Variants in GNPAT observed in about 807,000 individuals in gnomAD.
The protein encoded by GNPAT is dihydroxyacetone phosphate acyltransferase.
GNPAT carries 30 observed loss-of-function variants against 78.4 expected under a neutral mutation model. The observed-to-expected ratio is 0.38, with a 90% CI of 0.29 to 0.52. The LOEUF is 0.52. Among genes scored for constraint, GNPAT ranks in the 20% least tolerant of loss-of-function variants. The pLI, the probability that GNPAT is intolerant of heterozygous loss-of-function variation, is 0.84. For synonymous variants in GNPAT, 271 were observed against 281.1 expected (o/e 0.96, Z 0.36); for missense variants, 714 against 812.2 (o/e 0.88, Z 1.47).
intron 12 of GNPAT, 186 bp from the exon 13 acceptor site, chr1:231,275,035 A>G: frequency 3.5e-6 from 2 of 577,652 alleles, no homozygotes; most frequent in Admixed American, 3.1e-5. Context: ...TGTAAAATGT[A>G]AACTCAAAGG....
At position 231,275,289 on chromosome 1, in the gene GNPAT, C is replaced by T. The variant is rs1192186321; in HGVS notation, c.1812C>T (p.Val604=). Residue 604 remains valine, a synonymous_variant, in exon 13 of 16, where the codon GTC becomes GTT. Coordinates refer to ENST00000366647, the MANE Select transcript of GNPAT (RefSeq NM_014236.4). ...GTGAGGAACAGTACTTGGCTGCAGT[C>T]AGAAAATTCACAAGTCAGCTTCTCG... is the stretch of plus-strand genomic sequence containing the variant. ...HFSEEQYLAA[V]RKFTSQLLDQ... is the part of the protein sequence containing the mutation. 6.2e-7 allele frequency: 1 copy of T among 1,612,720 alleles called. No homozygotes were observed. Among genetic ancestry groups the T allele is most frequent in the South Asian group, 1.1e-5 (1 of 91,046 alleles).
intron 9 of GNPAT, among the ~76,000 whole-genome samples, chr1:231,269,263 C>T (rs1255322852): frequency 2.0e-5 from 3 of 152,126 alleles, no homozygotes; most frequent in Non-Finnish European, 4.4e-5. Flanking sequence ...TCAGGAAGAC[C>T]AGGAGAGGAT....
chr1:231,266,371 G>T lies in GNPAT; in HGVS notation c.1019G>T (p.Gly340Val), dbSNP rs1180515381. The T allele has an allele frequency of 6.2e-7, 1 of 1,613,988 alleles. No homozygotes were observed. ...DPVSLRSLAA[G>V]RMSRSSYNLV... The stretch of plus-strand genomic sequence containing the variant: ...GTGTCACTTCGATCTTTGGCAGCTG[G>T]GAGGATGAGTCGGAGCTCATATAAC... Residue 340 changes from glycine to valine, a missense_variant, in exon 8 of 16, where the codon GGG (glycine) becomes GTG (valine). By Grantham distance (109) the Gly-to-Val change is moderately radical. Transcript: ENST00000366647.
intron 3 of GNPAT, among the ~76,000 whole-genome samples, chr1:231,261,227 G>T (rs547301675): frequency 1.1e-4 from 17 of 152,080 alleles, no homozygotes; most frequent in Non-Finnish European, 1.9e-4. Context: ...CATGTGTTGC[G>T]CTAGAAATCC....
intron 8 of GNPAT, among the ~76,000 whole-genome samples, chr1:231,267,086 G>A (rs1685409541): frequency 6.6e-6 from 1 of 152,118 alleles, no homozygotes; most frequent in African/African-American, 2.4e-5. Flanking sequence ...TCTCAAATTG[G>A]TTTGGCTGGC....
Position 231,274,139 on chromosome 1 carries a change from C to T in GNPAT, c.1743+77C>T, listed in dbSNP as rs983964864. The T allele has an allele frequency of 2.3e-6, 3 of 1,314,168 alleles. No individual in the cohort carries two copies. In the African/African-American group the frequency reaches 4.3e-5, roughly 19 times the overall value. The allele number at this position is 1,314,168 out of a possible 1,614,324, so 81.4% of individuals were successfully genotyped here. On this transcript the variant is annotated intron_variant, in intron 12 of 15. Transcript: ENST00000366647. ...AGACATTCTCACCCTGTGCTTATTT[C>T]CAGTCTGAAGGGCAGGTATCTTCCC... is the stretch of plus-strand genomic sequence containing the variant.
Position 231,264,077 on chromosome 1 carries a change from A to G in GNPAT, c.569-1216A>G, listed in dbSNP as rs11122264. Among the ~76,000 whole-genome samples the G allele has an allele frequency of 9.0e-3, 1,376 of 152,264 alleles. 28 individuals are homozygous for G. The highest frequency in any genetic ancestry group is 0.031 in the African/African-American group (1,299 of 41,548). Reference sequence around the variant, plus strand: ...GTTGATTGTGTTATTTGATGCATGGAAGTTTTTAATTGATGTAGTCCAATT... The same window carrying G: ...GTTGATTGTGTTATTTGATGCATGGGAGTTTTTAATTGATGTAGTCCAATT... On this transcript the variant is annotated intron_variant, in intron 4 of 15. Coordinates refer to ENST00000366647, the MANE Select transcript of GNPAT (RefSeq NM_014236.4).
At chr1:231,273,547 A>G (rs572177345) in intron 11 of GNPAT, among the ~76,000 whole-genome samples, 1 of 152,282 alleles carries the variant, frequency 6.6e-6, no homozygotes, top group Non-Finnish European at 1.5e-5. Context: ...CACCGCGCCC[A>G]GCCAGAAATT....
chr1:231,259,749 C>T (rs879612704), intron 2 of GNPAT, among the ~76,000 whole-genome samples: 17 of 152,178 alleles, frequency 1.1e-4, no homozygotes, highest in Admixed American at 4.6e-4. Flanking sequence ...GGTGCCAACA[C>T]CTGTCCTCTG....
chr1:231,251,170 C>G, intron 2 of GNPAT, 27 bp downstream of exon 2: 1 of 1,406,634 alleles, frequency 7.1e-7, no homozygotes, highest in Non-Finnish European at 9.8e-7. Context: ...TCAACCATGG[C>G]CAGATTTGTT....
chr1:231,254,590 C>T (rs1316211906), intron 2 of GNPAT, among the ~76,000 whole-genome samples: 8 of 151,060 alleles, frequency 5.3e-5, no homozygotes, highest in African/African-American at 9.7e-5. Context: ...TACAGGTGTC[C>T]GCCACCATGC....
chr1:231,272,245 A>G, intron 10 of GNPAT, 67 bp from the exon 11 acceptor site: 1 of 805,822 alleles, frequency 1.2e-6, no homozygotes, highest in Non-Finnish European at 2.2e-6. Context: ...GATAGTAAGG[A>G]CTTCCTGGTA....
chr1:231,259,913 C>G (rs1406232151), intron 2 of GNPAT, among the ~76,000 whole-genome samples: 1 of 152,190 alleles, frequency 6.6e-6, no homozygotes, highest in Non-Finnish European at 1.5e-5. Context: ...TGCTCATCTC[C>G]AGGCCCTTGA....
intron 1 of GNPAT, among the ~76,000 whole-genome samples, chr1:231,249,220 C>T (rs1379528347): frequency 6.6e-6 from 1 of 152,146 alleles, no homozygotes; most frequent in Non-Finnish European, 1.5e-5. Flanking sequence ...GCCTTATAAG[C>T]AAGAGTATTT....
intron 4 of GNPAT, among the ~76,000 whole-genome samples, 165 bp downstream of exon 4, chr1:231,263,017 C>G (rs1344216092): frequency 1.3e-5 from 2 of 152,160 alleles, no homozygotes; most frequent in Non-Finnish European, 2.9e-5. Context: ...CTGTGCTTTA[C>G]TGTGCCTGAA....
intron 5 of GNPAT, 110 bp downstream of exon 5, chr1:231,265,530 C>G: frequency 9.8e-7 from 1 of 1,018,188 alleles, no homozygotes; most frequent in Non-Finnish European, 1.6e-6. Flanking sequence ...TGCTTTCCCT[C>G]AAGAACTGCT....
At chr1:231,273,464 G>T (rs1364090202) in intron 11 of GNPAT, among the ~76,000 whole-genome samples, 1 of 151,964 alleles carries the variant, frequency 6.6e-6, no homozygotes, top group Non-Finnish European at 1.5e-5. Flanking sequence ...TGTTAGCCAG[G>T]ATGGTCTCGA....
chr1:231,277,754 A>C lies in GNPAT; in HGVS notation c.*212A>C. ...TTAAAAGGCGTTTGTATCTGACACTATGTGTGTGTTTTAAAATAAACTTTT... is the reference window on the plus strand; with the variant it reads ...TTAAAAGGCGTTTGTATCTGACACTCTGTGTGTGTTTTAAAATAAACTTTT... On this transcript the variant is annotated 3_prime_UTR_variant, in exon 16 of 16. Transcript: ENST00000366647. 1 of 535,586 alleles carries C rather than the reference A, an allele frequency of 1.9e-6. No homozygotes were observed. Among genetic ancestry groups the C allele is most frequent in the African/African-American group, 1.9e-5 (1 of 52,866 alleles). 33.2% of individuals were successfully genotyped at this position (535,586 alleles called of 1,614,324 possible).
rs753213496 is a variant in GNPAT, at chr1:231,266,005, G to A, written c.773-9G>A. ...ATGTTGATGAAGCATTTCTCCCTGT[G>A]TTTTGCAGGTCTTCTGAATATTGTG... On this transcript the variant is annotated splice_polypyrimidine_tract_variant and intron_variant, in intron 6 of 15. Transcript: ENST00000366647. 2.5e-6 allele frequency: 4 copies of A among 1,610,706 alleles called. No homozygotes were observed. In the South Asian group the frequency reaches 4.4e-5, roughly 18 times the overall value.
Sources: allele counts gnomAD v4.1 joint callset (sites outside exome capture counted in the v4.1 genomes callset), GRCh38; gene constraint gnomAD v4.1.1; transcripts MANE v1.5; gene names NCBI Gene and HGNC (gene_info 2026-07-23, HGNC 2026-07-21).